The following MGAT4C variants were observed in gnomAD, a reference collection of about 807,000 sequenced individuals.
MGAT4C encodes the protein MGAT4 family member C, also known as alpha-1,3-mannosyl-glycoprotein 4-beta-N-acetylglucosaminyltransferase C.
MGAT4C carries 19 observed loss-of-function variants against 40.1 expected under a neutral mutation model. That is an observed-to-expected ratio of 0.47 (90% CI 0.33 to 0.70). The LOEUF is 0.70. MGAT4C is among the 30% of genes least tolerant of loss of function. The pLI is 0.02. For missense variants in MGAT4C, 491 were observed against 563.2 expected (o/e 0.87, Z 1.30); for synonymous variants, 181 against 187.1 (o/e 0.97, Z 0.27).
intron 1 of MGAT4C, among the ~76,000 whole-genome samples, chr12:86,233,528 G>T (rs1951411159): frequency 6.6e-6 from 1 of 152,138 alleles, no homozygotes; most frequent in Middle Eastern, 3.2e-3. Flanking sequence ...CACAGTTGTA[G>T]CAGGTTGGAC....
At chr12:86,522,642 C>A (rs1347072649) in intron 2 of MGAT4C, among the ~76,000 whole-genome samples, 2 of 152,098 alleles carry the variant, frequency 1.3e-5, no homozygotes, top group Non-Finnish European at 2.9e-5. Context: ...TTCTCCTCCT[C>A]AATTTTTTGG....
In MGAT4C at chr12:86,033,388, G is replaced by A. The variant is rs1397753068; in HGVS notation, c.-7+16286C>T. Among the ~76,000 whole-genome samples the A allele has an allele frequency of 4.7e-5, 7 of 149,604 alleles. 1 individual carries two copies. Among genetic ancestry groups the A allele is most frequent in the Non-Finnish European group, 1.0e-4 (7 of 66,704 alleles). On this transcript the variant is annotated intron_variant, in intron 2 of 4. Coordinates refer to ENST00000611864, the MANE Select transcript of MGAT4C (RefSeq NM_001351288.2). ...TAAAATATTGATTCTTTCTATTAAT[G>A]AGCATGGAATGTTTTTCCATTTGTT...
At position 85,958,743 on chromosome 12, in the gene MGAT4C, A is replaced by C. The variant is rs1338039476; in HGVS notation, c.*20546T>G. On this transcript the variant is annotated 3_prime_UTR_variant, in exon 5 of 5. Transcript: ENST00000611864. ...AAAAGGGTATGATTATTTTTACTAA[A>C]ATTAATAAAAAGATTAACTGTTACT... 6.6e-6 allele frequency: 1 copy of C among 152,072 alleles called. No homozygotes were observed. The highest frequency in any genetic ancestry group is 6.6e-5 in the Admixed American group (1 of 15,252). 9.4% of individuals were successfully genotyped at this position (152,072 alleles called of 1,614,324 possible).
chr12:86,152,751 G>C (rs1046396102), intron 1 of MGAT4C, among the ~76,000 whole-genome samples: 1 of 152,192 alleles, frequency 6.6e-6, no homozygotes, highest in Non-Finnish European at 1.5e-5. Context: ...GGAAATATGA[G>C]AGTATGTAGT....
chr12:86,659,981 A>T (rs552384109), intron 2 of MGAT4C, among the ~76,000 whole-genome samples: 53 of 151,796 alleles, frequency 3.5e-4, no homozygotes, highest in Non-Finnish European at 6.3e-4. Flanking sequence ...GGAAGCAAAA[A>T]CTCTTTCCTC....
chr12:86,330,590 T>C (rs1954640765), intron 4 of MGAT4C, among the ~76,000 whole-genome samples: 1 of 152,206 alleles, frequency 6.6e-6, no homozygotes, highest in Non-Finnish European at 1.5e-5. Flanking sequence ...AAAGTCTATC[T>C]GTAAATATTT....
intron 1 of MGAT4C, among the ~76,000 whole-genome samples, chr12:86,092,096 T>A (rs1872987707): frequency 1.3e-5 from 2 of 152,146 alleles, no homozygotes; most frequent in Admixed American, 1.3e-4. Flanking sequence ...CAAAAATACC[T>A]ACAAAAATGT....
chr12:86,402,656 A>G (rs927137264), intron 3 of MGAT4C, among the ~76,000 whole-genome samples: 3 of 152,172 alleles, frequency 2.0e-5, no homozygotes, highest in Non-Finnish European at 4.4e-5. Context: ...GTTATTTACC[A>G]TGATTTTTTC....
chr12:86,753,610 C>T (rs1391784258), intron 1 of MGAT4C, among the ~76,000 whole-genome samples: 1 of 151,774 alleles, frequency 6.6e-6, no homozygotes, highest in Non-Finnish European at 1.5e-5. Context: ...GAGACTATTT[C>T]AAAGCATACA....
chr12:86,754,822 G>T (rs1304880516), intron 1 of MGAT4C, among the ~76,000 whole-genome samples: 1 of 151,988 alleles, frequency 6.6e-6, no homozygotes, highest in South Asian at 2.1e-4. Flanking sequence ...GAAGAGTTTT[G>T]TCAATATTTT....
intron 2 of MGAT4C, among the ~76,000 whole-genome samples, chr12:86,471,853 G>A (rs1957762170): frequency 6.6e-6 from 1 of 152,006 alleles, no homozygotes; most frequent in South Asian, 2.1e-4. Context: ...TATGAACCAT[G>A]GAAGTGGATT....
intron 1 of MGAT4C, among the ~76,000 whole-genome samples, chr12:86,813,962 G>A (rs1447038978): frequency 6.6e-6 from 1 of 151,722 alleles, no homozygotes; most frequent in African/African-American, 2.4e-5. Context: ...CTAGGCTAGA[G>A]TGCAGTGGCA....
intron 3 of MGAT4C, among the ~76,000 whole-genome samples, chr12:86,336,471 T>C (rs1021848765): frequency 6.6e-6 from 1 of 152,204 alleles, no homozygotes; most frequent in African/African-American, 2.4e-5. Context: ...CTGTGCAAGG[T>C]ATGCCTTGAT....
intron 4 of MGAT4C, among the ~76,000 whole-genome samples, chr12:86,271,286 T>C (rs1005142534): frequency 2.6e-5 from 4 of 152,076 alleles, no homozygotes; most frequent in African/African-American, 9.7e-5. Flanking sequence ...ATGTCAAGAA[T>C]ATAAAAGGAA....
chr12:86,814,407 CATATACATAT>C, intron 1 of MGAT4C, among the ~76,000 whole-genome samples: 1 of 136,826 alleles, frequency 7.3e-6, no homozygotes, highest in Non-Finnish European at 1.6e-5. Flanking sequence ...CATATATATA[CATATACATAT>C]ATATATGAAA....
intron 1 of MGAT4C, among the ~76,000 whole-genome samples, chr12:86,761,702 C>T (rs986243623): frequency 2.6e-5 from 4 of 152,114 alleles, no homozygotes; most frequent in Non-Finnish European, 5.9e-5. Flanking sequence ...TAGTGGCCAC[C>T]TGTATTCCTT....
chr12:86,036,037 T>A (rs770095251), intron 2 of MGAT4C, among the ~76,000 whole-genome samples: 1 of 150,134 alleles, frequency 6.7e-6, no homozygotes, highest in Non-Finnish European at 1.5e-5. Context: ...TCTTTTGGTT[T>A]AAAATTGTCT....
At chr12:86,376,818 C>CAGAGAGAGAGAGAGAGAGAGAGAGAG (rs34852259) in intron 3 of MGAT4C, among the ~76,000 whole-genome samples, 41 of 125,342 alleles carry the variant, frequency 3.3e-4, no homozygotes, top group South Asian at 5.5e-4. Flanking sequence ...GAGAGAGAGA[C>CAGAGAGAGAGAGAGAGAGAGAGAGAG]AGAGAGAGAG....
At chr12:86,060,764 T>TA (rs1893876762) in intron 1 of MGAT4C, among the ~76,000 whole-genome samples, 1 of 152,158 alleles carries the variant, frequency 6.6e-6, no homozygotes, top group Non-Finnish European at 1.5e-5. Flanking sequence ...ATTTCTTTTT[T>TA]CAGGAATTAG....
Sources: gnomAD v4.1 joint callset for allele counts (sites outside exome capture counted in the v4.1 genomes callset) on GRCh38, gnomAD v4.1.1 for gene constraint, MANE v1.5 for transcripts, NCBI Gene and HGNC (gene_info 2026-07-23, HGNC 2026-07-21) for gene names.